Variants in TSTD2 observed in about 807,000 individuals in gnomAD.
TSTD2 encodes the protein thiosulfate sulfurtransferase/rhodanese-like domain-containing protein 2.
TSTD2 carries 37 observed loss-of-function variants against 47.9 expected under a neutral mutation model. That is an observed-to-expected ratio of 0.77 (90% CI 0.59 to 1.02). The LOEUF (loss-of-function observed/expected upper bound fraction) is 1.02, where lower values mean the gene tolerates loss of function less well. Among genes scored for constraint, TSTD2 ranks in the 50% least tolerant of loss-of-function variants. TSTD2 has a pLI of 0.00. For synonymous variants in TSTD2, 201 were observed against 215.9 expected, an observed-to-expected ratio of 0.93 and a Z score of 0.61; for missense variants, 586 against 616.0, an observed-to-expected ratio of 0.95 and a Z score of 0.52.
At chr9:97,604,896 A>G in intron 8 of TSTD2, 31 bp from the exon 9 acceptor site, 1 of 1,611,212 alleles carries the variant, frequency 6.2e-7, no homozygotes, top group Non-Finnish European at 8.5e-7. Flanking sequence ...GGAAATCTGA[A>G]GAGCCAGCAG....
chr9:97,605,786 C>A, intron 7 of TSTD2, 145 bp from the exon 8 acceptor site: 1 of 1,128,798 alleles, frequency 8.9e-7, no homozygotes, highest in Non-Finnish European at 1.2e-6. Context: ...CTTTCAACTT[C>A]AAGATCTCAA....
rs1294482955 is a variant in TSTD2, at chr9:97,611,698, A to C, written c.605T>G (p.Ile202Ser). Residue 202 changes from isoleucine (I) to serine (S), a missense_variant and splice_region_variant, in exon 5 of 10, where the codon ATT becomes AGT. Ile to Ser is a moderately radical substitution (Grantham distance 142, BLOSUM62 -2). Transcript: ENST00000341170. ...LCQHLHLTGK[I>S]RIAAEGINGT... ...ATTGATTCCTTCTGCAGCAATTCGAATCTGAGACACAAGACGGTGAAAAAG... is the reference window on the plus strand; with the variant it reads ...ATTGATTCCTTCTGCAGCAATTCGACTCTGAGACACAAGACGGTGAAAAAG... 6.2e-7 allele frequency: 1 copy of C among 1,600,806 alleles called. No homozygotes were observed.
At chr9:97,604,977 T>G in intron 8 of TSTD2, 112 bp from the exon 9 acceptor site, 2 of 1,486,510 alleles carry the variant, frequency 1.3e-6, no homozygotes, top group Non-Finnish European at 1.8e-6. Context: ...TCATGGCCGC[T>G]GCTATCAGTC....
At chr9:97,625,599 A>G in intron 3 of TSTD2, 82 bp downstream of exon 3, 1 of 1,384,166 alleles carries the variant, frequency 7.2e-7, no homozygotes, top group African/African-American at 1.4e-5. Flanking sequence ...CACTTTAGCC[A>G]TTTTAATGGG....
At chr9:97,612,108 T>A (rs1044817405) in intron 4 of TSTD2, among the ~76,000 whole-genome samples, 1 of 152,172 alleles carries the variant, frequency 6.6e-6, no homozygotes, top group Non-Finnish European at 1.5e-5. Context: ...TGAAAATATG[T>A]AGTATTTGGT....
At chr9:97,626,116 T>C in intron 2 of TSTD2, 119 bp from the exon 3 acceptor site, 1 of 946,148 alleles carries the variant, frequency 1.1e-6, no homozygotes, top group South Asian at 1.8e-5. Flanking sequence ...TATGTTCCAT[T>C]ATGTTATACA....
Position 97,604,839 on chromosome 9 carries a change from G to A in TSTD2, c.1140C>T (p.Leu380=), listed in dbSNP as rs1286640262. Residue 380 remains leucine, a synonymous_variant, in exon 9 of 10, where the codon CTC becomes CTT. Transcript: ENST00000341170. ...CCAGGTACTTGTGGATGCCACCCTT[G>A]AGCTGGAACACCTCCTTGCACACTC... is the stretch of plus-strand genomic sequence containing the variant. The part of the protein sequence containing the change: ...AKGVCKEVFQ[L]KGGIHKYLEE... 5 of 1,614,010 alleles carry A rather than the reference G, an allele frequency of 3.1e-6. No homozygotes were observed. Among genetic ancestry groups the A allele is most frequent in the Non-Finnish European group, 4.2e-6 (5 of 1,180,020 alleles).
At chr9:97,628,384 G>A (rs577079487) in intron 1 of TSTD2, among the ~76,000 whole-genome samples, 6 of 152,256 alleles carry the variant, frequency 3.9e-5, no homozygotes, top group African/African-American at 1.4e-4. Context: ...AGTTTGCCAA[G>A]CATGTGAACA....
At chr9:97,610,548 A>G (rs1016718927) in intron 5 of TSTD2, 97 bp from the exon 6 acceptor site, 8 of 878,062 alleles carry the variant, frequency 9.1e-6, no homozygotes, top group African/African-American at 1.7e-5. Context: ...TTTTGTAATA[A>G]CAATAGCTGA....
chr9:97,613,915 G>A (rs1293574272), intron 4 of TSTD2, among the ~76,000 whole-genome samples: 13 of 146,680 alleles, frequency 8.9e-5, no homozygotes, highest in African/African-American at 2.3e-4. Flanking sequence ...TGCAAGCTCC[G>A]CCTCCCAGGT....
rs1826278676 is a variant in TSTD2, at chr9:97,602,485, C to T, written c.1535G>A (p.Gly512Glu). Residue 512 changes from glycine (G) to glutamate (E), a missense_variant, in exon 10 of 10, where the codon GGG becomes GAG. Physicochemically the swap from Gly to Glu is moderately conservative, Grantham distance 98. Coordinates refer to ENST00000341170, the MANE Select transcript of TSTD2 (RefSeq NM_139246.5). ...PEPGPDADED[G>E]PVLM Reference sequence around the variant, plus strand: ...AGGTGCTGCTCACATAAGCACTGGCCCATCCTCATCAGCATCAGGCCCTGG... The same window carrying T: ...AGGTGCTGCTCACATAAGCACTGGCTCATCCTCATCAGCATCAGGCCCTGG... The T allele has an allele frequency of 1.2e-6, 2 of 1,610,788 alleles. No individual in the cohort carries two copies. Among genetic ancestry groups the T allele is most frequent in the Non-Finnish European group, 1.7e-6 (2 of 1,178,190 alleles).
intron 6 of TSTD2, among the ~76,000 whole-genome samples, chr9:97,608,979 T>C (rs1826413593): frequency 6.6e-6 from 1 of 152,090 alleles, no homozygotes; most frequent in Admixed American, 6.5e-5. Flanking sequence ...TATGTAGTCT[T>C]GGTGGCGGGA....
At position 97,611,704 on chromosome 9, in the gene TSTD2, G is replaced by C; in HGVS notation, c.604-5C>G. ...TCCTTCTGCAGCAATTCGAATCTGA[G>C]ACACAAGACGGTGAAAAAGAGAACA... On this transcript the variant is annotated splice_region_variant and splice_polypyrimidine_tract_variant and intron_variant, in intron 4 of 9. Transcript: ENST00000341170. 5 of 1,597,358 alleles carry C rather than the reference G, an allele frequency of 3.1e-6. No homozygotes were observed. The highest frequency in any genetic ancestry group is 4.3e-6 in the Non-Finnish European group (5 of 1,166,034).
chr9:97,601,262 G>C lies in TSTD2; in HGVS notation c.*1207C>G. ...AATCTGTTGGTCTATGCATGGCTGC[G>C]TATGTGTTTCTTGGAACCTGTGTGA... On this transcript the variant is annotated 3_prime_UTR_variant, in exon 10 of 10. Transcript: ENST00000341170. 8.3e-7 allele frequency: 1 copy of C among 1,205,438 alleles called. No individual in the cohort carries two copies. Among genetic ancestry groups the C allele is most frequent in the Non-Finnish European group, 1.1e-6 (1 of 937,718 alleles). The allele number at this position is 1,205,438 out of a possible 1,614,324, so 74.7% of individuals were successfully genotyped here.
intron 3 of TSTD2, among the ~76,000 whole-genome samples, chr9:97,623,661 C>A (rs113716366): frequency 0.025 from 3,780 of 152,266 alleles, 167 homozygotes; most frequent in African/African-American, 0.086. Context: ...GAGCTCAAGA[C>A]TAGTCTGGCC....
intron 3 of TSTD2, among the ~76,000 whole-genome samples, chr9:97,623,248 G>A (rs1195740027): frequency 6.6e-6 from 1 of 152,150 alleles, no homozygotes; most frequent in South Asian, 2.1e-4. Flanking sequence ...CCCTGCACAA[G>A]CTCTCTCTCT....
In TSTD2 at chr9:97,605,483, C is replaced by T; in HGVS notation, c.1113G>A (p.Lys371=). Residue 371 remains lysine, a splice_region_variant and synonymous_variant, in exon 8 of 10, where the codon AAG becomes AAA. Transcript: ENST00000341170. Reference sequence around the variant, plus strand: ...ACAGTGCCCCGGGGTGGTGGCTCACCTTGGCTTTGAGGTAGGCTGAACCCC... The same window carrying T: ...ACAGTGCCCCGGGGTGGTGGCTCACTTTGGCTTTGAGGTAGGCTGAACCCC... ...CERGSAYLKA[K]GVCKEVFQLK... 1 of 1,613,466 alleles carries T rather than the reference C, an allele frequency of 6.2e-7. No individual in the cohort carries two copies. The highest frequency in any genetic ancestry group is 8.5e-7 in the Non-Finnish European group (1 of 1,179,862).
At chr9:97,610,011 AGCAAAAG>A (rs1826430393) in intron 6 of TSTD2, among the ~76,000 whole-genome samples, 2 of 152,226 alleles carry the variant, frequency 1.3e-5, no homozygotes, top group African/African-American at 2.4e-5. Flanking sequence ...TGTTTCCTGT[AGCAAAAG>A]GCCTATTTGC....
intron 9 of TSTD2, among the ~76,000 whole-genome samples, chr9:97,603,409 C>A (rs762611457): frequency 6.6e-6 from 1 of 152,300 alleles, no homozygotes; most frequent in Middle Eastern, 3.4e-3. Context: ...CATACTCACA[C>A]GCAGGTACCC....
Sources: allele counts gnomAD v4.1 joint callset (sites outside exome capture counted in the v4.1 genomes callset), GRCh38; gene constraint gnomAD v4.1.1; transcripts MANE v1.5; gene names NCBI Gene and HGNC (gene_info 2026-07-23, HGNC 2026-07-21).